Variants in SLC24A3 observed in about 807,000 individuals in gnomAD.
The protein encoded by SLC24A3 is sodium/potassium/calcium exchanger 3.
SLC24A3 carries 28 observed loss-of-function variants against 75.8 expected under a neutral mutation model. The ratio of observed to expected loss-of-function variants is 0.37; its 90% CI spans 0.27 to 0.51. The LOEUF (loss-of-function observed/expected upper bound fraction) is 0.51, where lower values mean the gene tolerates loss of function less well. Ranked by LOEUF, SLC24A3 falls within the 20% of genes least tolerant of loss-of-function variation. The probability of loss-of-function intolerance (pLI) is 0.94; values close to 1 mark genes in which losing one functional copy is unlikely to be tolerated. For synonymous variants in SLC24A3, 372 were observed against 334.1 expected (o/e 1.11, Z -1.24); for missense variants, 663 against 847.8 (o/e 0.78, Z 2.71).
intron 6 of SLC24A3, among the ~76,000 whole-genome samples, chr20:19,606,872 T>A (rs1041033017): frequency 6.6e-6 from 1 of 152,194 alleles, no homozygotes; most frequent in African/African-American, 2.4e-5. Flanking sequence ...AACCCCACTG[T>A]TCTGCTTTGG....
intron 2 of SLC24A3, among the ~76,000 whole-genome samples, chr20:19,315,357 G>A (rs1984562354): frequency 6.6e-6 from 1 of 152,202 alleles, no homozygotes; most frequent in Non-Finnish European, 1.5e-5. Context: ...TGGGGCTGGG[G>A]TGCCAGAGAC....
intron 1 of SLC24A3, among the ~76,000 whole-genome samples, chr20:19,271,103 A>T (rs572622047): frequency 9.2e-5 from 14 of 152,310 alleles, no homozygotes; most frequent in Non-Finnish European, 1.5e-4. Context: ...CCTATAGGTC[A>T]TTAGAAGAAC....
chr20:19,521,660 G>A (rs530763600), intron 3 of SLC24A3, among the ~76,000 whole-genome samples: 3 of 152,310 alleles, frequency 2.0e-5, no homozygotes, highest in Non-Finnish European at 4.4e-5. Context: ...CCAAATGGAT[G>A]TCATTTCCTG....
intron 2 of SLC24A3, among the ~76,000 whole-genome samples, chr20:19,464,742 A>G (rs1987736691): frequency 1.3e-5 from 2 of 152,254 alleles, no homozygotes; most frequent in African/African-American, 4.8e-5. Context: ...TGAGGTCAAG[A>G]GAAAAAAAGG....
chr20:19,684,219 G>A lies in SLC24A3; in HGVS notation c.945G>A (p.Leu315=). 1 of 1,614,166 alleles carries A rather than the reference G, an allele frequency of 6.2e-7. No homozygotes were observed. Among genetic ancestry groups the A allele is most frequent in the Non-Finnish European group, 8.5e-7 (1 of 1,180,026 alleles). Residue 315 remains leucine (L), a synonymous_variant, in exon 11 of 17, where the codon CTG becomes CTA. Transcript: ENST00000328041. The stretch of plus-strand genomic sequence containing the variant: ...CATCAGTGATCATGGTAGACGAGCT[G>A]CTGTCAGCCTACCCACACCAGCTTT... ...RKASVIMVDE[L]LSAYPHQLSF...
intron 2 of SLC24A3, among the ~76,000 whole-genome samples, chr20:19,371,730 C>G (rs1600452533): frequency 6.6e-6 from 1 of 152,168 alleles, no homozygotes; most frequent in African/African-American, 2.4e-5. Context: ...AATCTCATAT[C>G]TGGACCACCT....
chr20:19,395,095 C>A (rs1986431120), intron 2 of SLC24A3, among the ~76,000 whole-genome samples: 1 of 152,124 alleles, frequency 6.6e-6, no homozygotes, highest in Non-Finnish European at 1.5e-5. Flanking sequence ...TATAAAAAGA[C>A]AAATACTATA....
At chr20:19,264,397 G>T (rs1437238415) in intron 1 of SLC24A3, among the ~76,000 whole-genome samples, 1 of 152,134 alleles carries the variant, frequency 6.6e-6, no homozygotes, top group East Asian at 1.9e-4. Context: ...CATACGCTAT[G>T]TGTCTCTCTG....
intron 2 of SLC24A3, among the ~76,000 whole-genome samples, chr20:19,470,732 C>G (rs1187378792): frequency 6.6e-6 from 1 of 152,210 alleles, no homozygotes; most frequent in East Asian, 1.9e-4. Flanking sequence ...TAACACAGGA[C>G]TTGGCACCAA....
intron 13 of SLC24A3, 169 bp downstream of exon 13, chr20:19,693,594 C>G: frequency 1.3e-6 from 1 of 768,940 alleles, no homozygotes; most frequent in East Asian, 2.8e-5. Flanking sequence ...CATCGATTCT[C>G]CTGCTCACAC....
intron 3 of SLC24A3, among the ~76,000 whole-genome samples, chr20:19,558,196 A>C (rs530693236): frequency 2.0e-5 from 3 of 152,166 alleles, no homozygotes; most frequent in Admixed American, 6.5e-5. Flanking sequence ...CTTTACTGAC[A>C]TATAATTTTA....
intron 2 of SLC24A3, among the ~76,000 whole-genome samples, chr20:19,378,070 A>G (rs879352731): frequency 6.6e-6 from 1 of 152,166 alleles, no homozygotes; most frequent in Non-Finnish European, 1.5e-5. Context: ...TGGTCTAAAC[A>G]TTCATTTCTT....
At chr20:19,480,901 A>G (rs1988041811) in intron 2 of SLC24A3, among the ~76,000 whole-genome samples, 1 of 152,220 alleles carries the variant, frequency 6.6e-6, no homozygotes, top group Non-Finnish European at 1.5e-5. Context: ...AGAAAAATCC[A>G]ATAGAATTTA....
intron 16 of SLC24A3, among the ~76,000 whole-genome samples, chr20:19,718,330 T>C (rs2033064039): frequency 6.6e-6 from 1 of 152,174 alleles, no homozygotes; most frequent in Non-Finnish European, 1.5e-5. Flanking sequence ...AATACTGCCT[T>C]ATACAAAAGT....
chr20:19,574,222 G>A (rs1270393078), intron 3 of SLC24A3, among the ~76,000 whole-genome samples: 5 of 152,198 alleles, frequency 3.3e-5, no homozygotes, highest in Non-Finnish European at 7.3e-5. Flanking sequence ...CAGCTGAGTG[G>A]AGCTATCCCT....
intron 3 of SLC24A3, among the ~76,000 whole-genome samples, chr20:19,569,179 G>T (rs145924251): frequency 3.8e-4 from 58 of 152,190 alleles, no homozygotes; most frequent in African/African-American, 1.3e-3. Context: ...AAATCCACAG[G>T]GGATGTAAGA....
intron 4 of SLC24A3, among the ~76,000 whole-genome samples, chr20:19,582,443 G>A (rs371915227): frequency 2.1e-4 from 32 of 152,196 alleles, no homozygotes; most frequent in South Asian, 2.1e-4. Context: ...GCAGATTCTC[G>A]CTCAGTCTCA....
At chr20:19,332,568 C>G (rs1469491359) in intron 2 of SLC24A3, among the ~76,000 whole-genome samples, 3 of 152,216 alleles carry the variant, frequency 2.0e-5, no homozygotes, top group Non-Finnish European at 4.4e-5. Context: ...ATGCATCTCT[C>G]TTCAACTGAC....
At position 19,279,294 on chromosome 20, in the gene SLC24A3, G is replaced by A. The variant is rs142782043; in HGVS notation, c.143-1665G>A. ...AGGCCCACGTCTTGTGTTTCCATCCGTTTTCCGCCCGCGGCAACTTTGGAC... is the reference window on the plus strand; with the variant it reads ...AGGCCCACGTCTTGTGTTTCCATCCATTTTCCGCCCGCGGCAACTTTGGAC... On this transcript the variant is annotated intron_variant, in intron 1 of 16. Coordinates refer to ENST00000328041, the MANE Select transcript of SLC24A3 (RefSeq NM_020689.4). Among the ~76,000 whole-genome samples the A allele has an allele frequency of 3.9e-3, 597 of 152,294 alleles. 2 individuals are homozygous for A. Among genetic ancestry groups the A allele is most frequent in the Middle Eastern group, 6.8e-3 (2 of 294 alleles).
Sources: gnomAD v4.1 joint callset for allele counts (sites outside exome capture counted in the v4.1 genomes callset) on GRCh38, gnomAD v4.1.1 for gene constraint, MANE v1.5 for transcripts, NCBI Gene and HGNC (gene_info 2026-07-23, HGNC 2026-07-21) for gene names.